GK5: variants seen among roughly 807,000 people sequenced by gnomAD.
GK5 encodes ATP:glycerol 3-phosphotransferase 5.
A neutral mutation model predicts 77.3 loss-of-function variants in GK5; 39 were observed. That is an observed-to-expected ratio of 0.50 (90% CI 0.39 to 0.66). The LOEUF is 0.66. GK5 is among the 30% of genes least tolerant of loss of function. GK5 has a pLI of 0.00. For missense variants in GK5, 487 were observed against 633.8 expected (o/e 0.77, Z 2.49); for synonymous variants, 211 against 208.0 (o/e 1.01, Z -0.13).
At chr3:142,221,849 T>A (rs1392412991) in intron 1 of GK5, among the ~76,000 whole-genome samples, 2 of 152,144 alleles carry the variant, frequency 1.3e-5, no homozygotes, top group Non-Finnish European at 2.9e-5. Context: ...TAAAAATGTA[T>A]CTCTACTGTT....
chr3:142,194,729 C>A (rs7642045), intron 5 of GK5, among the ~76,000 whole-genome samples: 1 of 150,596 alleles, frequency 6.6e-6, no homozygotes, highest in African/African-American at 2.5e-5. Context: ...TATACTCTCC[C>A]ACCTTACTAA....
rs2063718467 is a variant in GK5, at chr3:142,183,030, G to A, written c.836C>T (p.Ala279Val). Residue 279 changes from alanine to valine, a missense_variant, in exon 10 of 16, where the codon GCC becomes GTC. Transcript: ENST00000392993. ...CTGGAAGCAGCACTCTCCAAACATG[G>A]CTGATTGCTGGTCAGCAACCTACCA... is the stretch of plus-strand genomic sequence containing the variant. ...IVALVADQQSAMFGECCFQTG... is the reference protein window; with the variant it reads ...IVALVADQQSVMFGECCFQTG... 3 of 1,613,708 alleles carry A rather than the reference G, an allele frequency of 1.9e-6. No individual in the cohort carries two copies. Among genetic ancestry groups the A allele is most frequent in the Non-Finnish European group, 8.5e-7 (1 of 1,179,842 alleles).
chr3:142,223,660 G>A (rs1208767826), intron 1 of GK5, among the ~76,000 whole-genome samples: 10 of 152,178 alleles, frequency 6.6e-5, no homozygotes, highest in African/African-American at 2.2e-4. Context: ...CCAACATGGC[G>A]AAACCCTGTC....
intron 9 of GK5, chr3:142,185,030 T>C: frequency 1.0e-6 from 1 of 985,436 alleles, no homozygotes; most frequent in Non-Finnish European, 1.2e-6. Flanking sequence ...CCCCAGCTAC[T>C]GTGGAGACTG....
rs1038593532 is a variant in GK5 at position 142,157,557 on chromosome 3, C to T, written c.*8065G>A. The T allele has an allele frequency of 1.4e-4, 22 of 152,098 alleles. No homozygotes were observed. Among genetic ancestry groups the T allele is most frequent in the African/African-American group, 4.6e-4 (19 of 41,428 alleles). The allele number at this position is 152,098 out of a possible 1,614,324, so 9.4% of individuals were successfully genotyped here. A position where few individuals can be genotyped will look rare whatever the true frequency, so the allele number is the denominator to read the frequency against. ...TATAAAAATGGCTTTAATATACCAA[C>T]GTACAGATTATTCAGTTCCATTGTA... On this transcript the variant is annotated 3_prime_UTR_variant, in exon 16 of 16. Coordinates refer to ENST00000392993, the MANE Select transcript of GK5 (RefSeq NM_001039547.3).
intron 4 of GK5, among the ~76,000 whole-genome samples, chr3:142,203,342 A>C (rs1397201914): frequency 6.6e-6 from 1 of 152,186 alleles, no homozygotes; most frequent in Non-Finnish European, 1.5e-5. Context: ...TAATATATTC[A>C]CATTTGTTTC....
intron 1 of GK5, among the ~76,000 whole-genome samples, chr3:142,217,303 C>T (rs1049924069): frequency 6.6e-6 from 1 of 151,514 alleles, no homozygotes; most frequent in East Asian, 1.9e-4. Context: ...AAATATATCC[C>T]ATTTTAAAAA....
Position 142,225,438 on chromosome 3 carries a change from C to G in GK5, c.18G>C (p.Thr6=), listed in dbSNP as rs770198752. 23 of 1,602,728 alleles carry G rather than the reference C, an allele frequency of 1.4e-5. No homozygotes were observed. The highest frequency in any genetic ancestry group is 1.7e-4 in the Middle Eastern group (1 of 6,012). Residue 6 remains threonine, a synonymous_variant, in exon 1 of 16, where the codon ACG becomes ACC. Transcript: ENST00000392993. Reference sequence around the variant, plus strand: ...GCTCCTGCGCTCTCTGCTCCGGGTCCGTGAGCAGCCCCGACATCCCGATCC... The same window carrying G: ...GCTCCTGCGCTCTCTGCTCCGGGTCGGTGAGCAGCCCCGACATCCCGATCC... MSGLL[T]DPEQRAQEPR...
At chr3:142,171,562 C>A (rs2063540873) in intron 13 of GK5, 84 bp from the exon 14 acceptor site, 2 of 928,272 alleles carry the variant, frequency 2.2e-6, no homozygotes, top group South Asian at 2.4e-5. Flanking sequence ...AAAATACAAA[C>A]TATAGTTTTA....
In GK5 at chr3:142,159,455, CAG is replaced by C. The variant is rs1204795028; in HGVS notation, c.*6165_*6166del. On this transcript the variant is annotated 3_prime_UTR_variant, in exon 16 of 16. Transcript: ENST00000392993. ...GGGAAAGACAGTAGAAATAGAATAACAGAGAATTTCAGAAATATCTGATTTTG... is the reference window on the plus strand; with the variant it reads ...GGGAAAGACAGTAGAAATAGAATAACAGAATTTCAGAAATATCTGATTTTG... 6.6e-6 allele frequency: 1 copy of C among 152,052 alleles called. No homozygotes were observed. The highest frequency in any genetic ancestry group is 1.9e-4 in the East Asian group (1 of 5,196). 9.4% of individuals were successfully genotyped at this position (152,052 alleles called of 1,614,324 possible).
chr3:142,188,223 C>T (rs955906869), intron 5 of GK5, among the ~76,000 whole-genome samples: 1 of 151,932 alleles, frequency 6.6e-6, no homozygotes, highest in African/African-American at 2.4e-5. Context: ...ATGGTGAAAC[C>T]CCATCTCTAC....
chr3:142,173,217 A>G, intron 12 of GK5: 1 of 431,526 alleles, frequency 2.3e-6, no homozygotes, highest in Non-Finnish European at 4.6e-6. Flanking sequence ...AAAAAAAAAC[A>G]CCACTACACT....
chr3:142,184,260 C>CAAAAAAAAAAAAAAAAAAAAA (rs1161704184), intron 9 of GK5, among the ~76,000 whole-genome samples: 2 of 10,676 alleles, frequency 1.9e-4, no homozygotes, highest in African/African-American at 3.9e-4. Flanking sequence ...GACTCTGTCT[C>CAAAAAAAAAAAAAAAAAAAAA]AAAAAAAAAA....
chr3:142,193,694 T>C (rs2063887666), intron 5 of GK5, among the ~76,000 whole-genome samples: 1 of 152,180 alleles, frequency 6.6e-6, no homozygotes, highest in South Asian at 2.1e-4. Context: ...AGCTTATTCA[T>C]ACGTATTTTA....
intron 4 of GK5, among the ~76,000 whole-genome samples, chr3:142,199,960 TATAAA>T (rs2063992955): frequency 6.6e-6 from 1 of 152,124 alleles, no homozygotes; most frequent in East Asian, 1.9e-4. Flanking sequence ...AAAATAGTAA[TATAAA>T]TTTTTTTCTT....
chr3:142,223,817 G>T (rs1345239722), intron 1 of GK5, among the ~76,000 whole-genome samples: 1 of 152,158 alleles, frequency 6.6e-6, no homozygotes, highest in African/African-American at 2.4e-5. Context: ...CAGCCTGGGT[G>T]ACAGAGCGAG....
At chr3:142,196,653 G>A (rs1053963143) in intron 5 of GK5, among the ~76,000 whole-genome samples, 7 of 151,690 alleles carry the variant, frequency 4.6e-5, no homozygotes, top group Non-Finnish European at 8.8e-5. Context: ...CTTTTAATTC[G>A]AAGCCTTTAT....
In GK5 at chr3:142,163,490, G is replaced by C. The variant is rs1017046421; in HGVS notation, c.*2132C>G. The C allele has an allele frequency of 1.2e-4, 19 of 152,080 alleles. No homozygotes were observed. Among genetic ancestry groups the C allele is most frequent in the African/African-American group, 3.9e-4 (16 of 41,472 alleles). 9.4% of individuals were successfully genotyped at this position (152,080 alleles called of 1,614,324 possible). A position where few individuals can be genotyped will look rare whatever the true frequency, so the allele number is the denominator to read the frequency against. On this transcript the variant is annotated 3_prime_UTR_variant, in exon 16 of 16. Transcript: ENST00000392993. Reference sequence around the variant, plus strand: ...GGGTTTCACCGTGTTTGACCAGGTTGGACTCCTGACCTCAAATGATCCGCC... The same window carrying C: ...GGGTTTCACCGTGTTTGACCAGGTTCGACTCCTGACCTCAAATGATCCGCC...
At chr3:142,213,377 A>G (rs558213215) in intron 3 of GK5, 149 bp downstream of exon 3, 1 of 595,600 alleles carries the variant, frequency 1.7e-6, no homozygotes, top group East Asian at 2.7e-5. Context: ...GTGAGCATAC[A>G]AGCCAGAAAG....
Sources: gnomAD v4.1 joint callset for allele counts (sites outside exome capture counted in the v4.1 genomes callset) on GRCh38, gnomAD v4.1.1 for gene constraint, MANE v1.5 for transcripts, NCBI Gene and HGNC (gene_info 2026-07-23, HGNC 2026-07-21) for gene names.